BTN1A1: variants seen among roughly 807,000 people sequenced by gnomAD.
BTN1A1 encodes the protein butyrophilin subfamily 1 member A1.
In BTN1A1, 26 loss-of-function variants were observed where a neutral mutation model predicts 33.1. That is an observed-to-expected ratio of 0.79 (90% confidence interval 0.58 to 1.09). BTN1A1 has a LOEUF of 1.09. Ranked by LOEUF, BTN1A1 falls within the 50% of genes least tolerant of loss-of-function variation. The pLI, the probability that BTN1A1 is intolerant of heterozygous loss-of-function variation, is 0.00. For missense variants in BTN1A1, 558 were observed against 655.7 expected (o/e 0.85, Z 1.63); for synonymous variants, 235 against 256.2 (o/e 0.92, Z 0.79).
intron 7 of BTN1A1, 126 bp from the exon 8 acceptor site, chr6:26,508,375 A>G: frequency 8.6e-7 from 1 of 1,167,554 alleles, no homozygotes; most frequent in Non-Finnish European, 1.2e-6. Flanking sequence ...AGCAGGCCAA[A>G]CATCCCCCCA....
At chr6:26,507,092 G>C (rs1454614035) in intron 5 of BTN1A1, among the ~76,000 whole-genome samples, 1 of 152,148 alleles carries the variant, frequency 6.6e-6, no homozygotes, top group Non-Finnish European at 1.5e-5. Flanking sequence ...TTATTGGTGA[G>C]TGCCTGTAAT....
Position 26,501,308 on chromosome 6 carries a change from G to T in BTN1A1, c.22G>T (p.Gly8Cys). 1 of 1,614,048 alleles carries T rather than the reference G, an allele frequency of 6.2e-7. No individual in the cohort carries two copies. The highest frequency in any genetic ancestry group is 2.2e-5 in the East Asian group (1 of 44,878). ...GGAGATGGCAGTTTTCCCAAGCTCC[G>T]GTCTCCCCAGATGTCTGCTCACCCT... Reference protein sequence around the residue: MAVFPSSGLPRCLLTLIL... With the variant: MAVFPSSCLPRCLLTLIL... Residue 8 changes from glycine (G) to cysteine (C), a missense_variant, in exon 2 of 8, where the codon GGT becomes TGT. Physicochemically the swap from Gly to Cys is radical, Grantham distance 159 (BLOSUM62 -3). Coordinates refer to ENST00000684113, the MANE Select transcript of BTN1A1 (RefSeq NM_001732.3). The surrounding 1 kb of genome is among the most constrained non-coding windows in gnomAD (Gnocchi z 5.2).
At chr6:26,505,256 C>CCA in intron 4 of BTN1A1, 50 bp downstream of exon 4, 1 of 1,555,656 alleles carries the variant, frequency 6.4e-7, no homozygotes, top group Non-Finnish European at 8.8e-7. Context: ...AGCTTCAGAG[C>CCA]CACACCACCT....
At chr6:26,503,787 C>T (rs905703789) in intron 3 of BTN1A1, among the ~76,000 whole-genome samples, 1 of 151,974 alleles carries the variant, frequency 6.6e-6, no homozygotes, top group Non-Finnish European at 1.5e-5. Flanking sequence ...CAAATTTTGA[C>T]ATTTTGTTTT....
At chr6:26,500,475 C>G (rs532503439) in intron 1 of BTN1A1, among the ~76,000 whole-genome samples, 117 bp downstream of exon 1, 1 of 152,082 alleles carries the variant, frequency 6.6e-6, no homozygotes, top group African/African-American at 2.4e-5. Context: ...CTCTTCAAGC[C>G]CTTTTGCTTG....
intron 3 of BTN1A1, among the ~76,000 whole-genome samples, chr6:26,503,005 G>A (rs1427672599): frequency 6.6e-6 from 1 of 152,110 alleles, no homozygotes; most frequent in Non-Finnish European, 1.5e-5. Flanking sequence ...TAAAACTGAG[G>A]ATGTTTTTAT....
Position 26,501,737 on chromosome 6 carries a change from T to G in BTN1A1, c.227T>G (p.Val76Gly), listed in dbSNP as rs768070610. 1.6e-5 allele frequency: 26 copies of G among 1,613,656 alleles called. No individual in the cohort carries two copies. The Admixed American group carries it at 4.0e-4, about 25-fold the overall frequency. Residue 76 changes from valine (V) to glycine (G), a missense_variant, in exon 3 of 8, where the codon GTG (valine) becomes GGG (glycine). Val to Gly is a moderately radical substitution (Grantham distance 109). Transcript: ENST00000684113. This position sits in a 1 kb window ranked among gnomAD's most constrained non-coding sequence, Gnocchi z 5.2. ...FRKKVSPAVL[V>G]HRDGREQEAE... ...AAGAAGGTTTCGCCGGCCGTGCTGG[T>G]GCATAGGGACGGGCGCGAGCAGGAA...
At chr6:26,506,860 G>T in intron 5 of BTN1A1, 28 bp downstream of exon 5, 2 of 1,611,594 alleles carry the variant, frequency 1.2e-6, no homozygotes, top group South Asian at 1.1e-5. Flanking sequence ...CAAGGGCTAC[G>T]TGTCAGGAGT....
At chr6:26,507,181 A>G (rs1435412315) in intron 5 of BTN1A1, among the ~76,000 whole-genome samples, 1 of 152,162 alleles carries the variant, frequency 6.6e-6, no homozygotes, top group Non-Finnish European at 1.5e-5. Flanking sequence ...AGATCGTGCC[A>G]TTGCACTCTA....
At chr6:26,503,094 G>C (rs2113890399) in intron 3 of BTN1A1, among the ~76,000 whole-genome samples, 1 of 152,180 alleles carries the variant, frequency 6.6e-6, no homozygotes, top group South Asian at 2.1e-4. Flanking sequence ...GGAAGCAGAG[G>C]CAGGAGGATC....
chr6:26,507,029 C>T (rs1344814170), intron 5 of BTN1A1, among the ~76,000 whole-genome samples, 197 bp downstream of exon 5: 2 of 152,026 alleles, frequency 1.3e-5, no homozygotes, highest in Non-Finnish European at 2.9e-5. Context: ...GAGATCAGCC[C>T]GGCCAACATG....
rs141076782 is a variant in BTN1A1 at position 26,501,808 on chromosome 6, G to A, written c.298G>A (p.Asp100Asn). The change falls in exon 3 of 8, where the codon GAC becomes AAC. Residue 100 changes from aspartate (D) to asparagine (N), a missense_variant. By Grantham distance (23) the Asp-to-Asn change is conservative. Transcript: ENST00000684113. The surrounding 1 kb of genome is among the most constrained non-coding windows in gnomAD (Gnocchi z 5.2). The stretch of plus-strand genomic sequence containing the variant: ...CCGCGGGCGGGCGACGCTGGTCCAG[G>A]ACGGCATCGCCAAGGGGCGCGTGGC... ...EYRGRATLVQ[D>N]GIAKGRVALR... The A allele has an allele frequency of 1.6e-3, 2,550 of 1,613,242 alleles. 3 individuals carry two copies. Among genetic ancestry groups the A allele is most frequent in the Middle Eastern group, 3.3e-3 (20 of 6,056 alleles).
chr6:26,508,207 T>A, intron 7 of BTN1A1, 120 bp downstream of exon 7: 1 of 1,270,736 alleles, frequency 7.9e-7, no homozygotes, highest in Non-Finnish European at 1.1e-6. Flanking sequence ...AGGGAAACGG[T>A]GATGACAGAT....
Position 26,501,764 on chromosome 6 carries a change from C to T in BTN1A1, c.254C>T (p.Ala85Val). ...CATAGGGACGGGCGCGAGCAGGAAG[C>T]CGAGCAGATGCCCGAGTACCGCGGG... ...LVHRDGREQE[A>V]EQMPEYRGRA... The change falls in exon 3 of 8, where the codon GCC (alanine) becomes GTC (valine). Residue 85 changes from alanine (A) to valine (V), a missense_variant. Transcript: ENST00000684113. The surrounding 1 kb of genome is among the most constrained non-coding windows in gnomAD (Gnocchi z 5.2). 1 of 1,613,682 alleles carries T rather than the reference C, an allele frequency of 6.2e-7. No homozygotes were observed. Among genetic ancestry groups the T allele is most frequent in the Non-Finnish European group, 8.5e-7 (1 of 1,179,952 alleles).
Position 26,501,822 on chromosome 6 carries a change from G to C in BTN1A1, c.312G>C (p.Lys104Asn). The C allele has an allele frequency of 1.9e-6, 3 of 1,612,742 alleles. No homozygotes were observed. Among genetic ancestry groups the C allele is most frequent in the Non-Finnish European group, 1.7e-6 (2 of 1,179,238 alleles). The change falls in exon 3 of 8, where the codon AAG (lysine) becomes AAC (asparagine). Residue 104 changes from lysine to asparagine, a missense_variant. By Grantham distance (94) the Lys-to-Asn change is moderately conservative. Transcript: ENST00000684113. The surrounding 1 kb of genome is among the most constrained non-coding windows in gnomAD (Gnocchi z 5.2). ...RATLVQDGIA[K>N]GRVALRIRGV... ...CGCTGGTCCAGGACGGCATCGCCAA[G>C]GGGCGCGTGGCCTTGAGGATCCGTG...
Position 26,508,852 on chromosome 6 carries a change from G to A in BTN1A1, c.1259G>A (p.Arg420His), listed in dbSNP as rs202063334. 5.1e-5 allele frequency: 82 copies of A among 1,614,146 alleles called. 1 individual carries two copies. The South Asian group carries it at 8.1e-4, about 16-fold the overall frequency. The change falls in exon 8 of 8, where the codon CGC (arginine) becomes CAC (histidine). Residue 420 changes from arginine (R) to histidine (H), a missense_variant. By Grantham distance (29) the Arg-to-His change is conservative. Transcript: ENST00000684113. ...RTPLPLAGPP[R>H]RVGIFLDYES... ...CCTCTCCCATTGGCAGGGCCCCCAC[G>A]CCGGGTTGGGATTTTCCTAGACTAT...
intron 1 of BTN1A1, among the ~76,000 whole-genome samples, 87 bp downstream of exon 1, chr6:26,500,445 C>A (rs1238299680): frequency 1.3e-5 from 2 of 152,086 alleles, no homozygotes; most frequent in African/African-American, 4.8e-5. Flanking sequence ...GCTCCTTTCT[C>A]CTTGGTCCTA....
chr6:26,508,479 C>A, intron 7 of BTN1A1, 22 bp from the exon 8 acceptor site: 1 of 1,594,956 alleles, frequency 6.3e-7, no homozygotes, highest in Non-Finnish European at 8.6e-7. Context: ...TGATGTCAGA[C>A]CTGCTGTTTC....
chr6:26,501,336 T>G lies in BTN1A1; in HGVS notation c.50T>G (p.Ile17Ser), dbSNP rs758363315. Residue 17 changes from isoleucine to serine, a missense_variant, in exon 2 of 8, where the codon ATT becomes AGT. Coordinates refer to ENST00000684113, the MANE Select transcript of BTN1A1 (RefSeq NM_001732.3). This position sits in a 1 kb window ranked among gnomAD's most constrained non-coding sequence, Gnocchi z 5.2. ...SGLPRCLLTL[I>S]LLQLPKLDSA... ...CTCCCCAGATGTCTGCTCACCCTCATTCTCCTCCAGCTGCCCAAACTGGAT... is the reference window on the plus strand; with the variant it reads ...CTCCCCAGATGTCTGCTCACCCTCAGTCTCCTCCAGCTGCCCAAACTGGAT... The G allele has an allele frequency of 6.2e-7, 1 of 1,614,158 alleles. No individual in the cohort carries two copies. Among genetic ancestry groups the G allele is most frequent in the Non-Finnish European group, 8.5e-7 (1 of 1,180,024 alleles).
Sources: gnomAD v4.1 joint callset for allele counts (sites outside exome capture counted in the v4.1 genomes callset) on GRCh38, gnomAD v4.1.1 for gene constraint, Gnocchi (gnomAD v3.1) non-coding constraint, MANE v1.5 for transcripts, NCBI Gene and HGNC (gene_info 2026-07-23, HGNC 2026-07-21) for gene names.